The following CCKBR variants were observed in gnomAD, a reference collection of about 807,000 sequenced individuals.
The protein encoded by CCKBR is gastrin/cholecystokinin type B receptor.
Under a neutral mutation model 34.6 loss-of-function variants are expected in CCKBR, and 33 were observed. The ratio of observed to expected loss-of-function variants is 0.95; its 90% CI spans 0.72 to 1.27. The LOEUF (loss-of-function observed/expected upper bound fraction) is 1.27. Ranked by LOEUF, CCKBR falls within the 50% of genes most tolerant of loss-of-function variation. CCKBR has a pLI of 0.00. For missense variants in CCKBR, 652 were observed against 617.4 expected (o/e 1.06, Z -0.59); for synonymous variants, 269 against 267.5 (o/e 1.01, Z -0.06).
At chr11:6,261,450 A>ATATATATATATAT (rs1228835875) in intron 1 of CCKBR, among the ~76,000 whole-genome samples, 2 of 32,178 alleles carry the variant, frequency 6.2e-5, no homozygotes, top group African/African-American at 1.6e-4. Flanking sequence ...AAAAAAAAAA[A>ATATATATATATAT]AAAAATATAT....
intron 1 of CCKBR, among the ~76,000 whole-genome samples, chr11:6,261,454 A>AAAAAAAAATAT (rs1447691939): frequency 8.2e-5 from 5 of 60,894 alleles, no homozygotes; most frequent in Non-Finnish European, 9.1e-5. Flanking sequence ...AAAAAAAAAA[A>AAAAAAAAATAT]ATATATATAC....
chr11:6,270,169 C>A lies in CCKBR; in HGVS notation c.485C>A (p.Ala162Glu). 6.2e-7 allele frequency: 1 copy of A among 1,613,956 alleles called. No individual in the cohort carries two copies. The highest frequency in any genetic ancestry group is 8.5e-7 in the Non-Finnish European group (1 of 1,180,014). ...RYSAICRPLQ[A>E]RVWQTRSHAA... ...AGCGCCATCTGCCGACCACTGCAGG[C>A]ACGAGTGTGGCAGACGCGCTCCCAC... is the stretch of plus-strand genomic sequence containing the variant. The change falls in exon 3 of 5, where the codon GCA becomes GAA. Residue 162 changes from alanine to glutamate, a missense_variant. Ala to Glu is a moderately radical substitution (Grantham distance 107). Transcript: ENST00000334619.
intron 1 of CCKBR, 128 bp downstream of exon 1, chr11:6,260,207 T>C: frequency 3.2e-6 from 2 of 625,288 alleles, no homozygotes; most frequent in South Asian, 4.0e-5. Context: ...TAGTACTCCC[T>C]CAGCCCCCAA....
Position 6,271,601 on chromosome 11 carries a change from GACAT to G in CCKBR, c.*61_*64del, listed in dbSNP as rs1412079143. 2 of 1,470,950 alleles carry G rather than the reference GACAT, an allele frequency of 1.4e-6. No homozygotes were observed. Among genetic ancestry groups the G allele is most frequent in the African/African-American group, 2.8e-5 (2 of 71,174 alleles). The allele number at this position is 1,470,950 out of a possible 1,614,324, so 91.1% of individuals were successfully genotyped here. On this transcript the variant is annotated 3_prime_UTR_variant, in exon 5 of 5. Coordinates refer to ENST00000334619, the MANE Select transcript of CCKBR (RefSeq NM_176875.4). ...CAAATGACATGCACTGACCCTTCCAGACATACGAAACACAAACCACAACTGACAC... is the reference window on the plus strand; with the variant it reads ...CAAATGACATGCACTGACCCTTCCAGACGAAACACAAACCACAACTGACAC...
At chr11:6,262,546 A>G (rs1848149047) in intron 1 of CCKBR, among the ~76,000 whole-genome samples, 1 of 152,208 alleles carries the variant, frequency 6.6e-6, no homozygotes, top group Non-Finnish European at 1.5e-5. Context: ...CTTCACATTC[A>G]ATAACAAGAA....
rs760056340 is a variant in CCKBR at position 6,270,309 on chromosome 11, T to C, written c.625T>C (p.Trp209Arg). Residue 209 changes from tryptophan (W) to arginine (R), a missense_variant, in exon 3 of 5, where the codon TGG (tryptophan) becomes CGG (arginine). Transcript: ENST00000334619. ...TCGTGTGCTGCAGTGCGTGCATCGC[T>C]GGCCCAGTGCGCGGGTCCGCCAGAC... ...GPRVLQCVHR[W>R]PSARVRQTWS... is the part of the protein sequence containing the mutation. 6.2e-7 allele frequency: 1 copy of C among 1,613,146 alleles called. No homozygotes were observed. The highest frequency in any genetic ancestry group is 1.7e-5 in the Admixed American group (1 of 60,008).
At chr11:6,264,190 T>C (rs978621568) in intron 1 of CCKBR, among the ~76,000 whole-genome samples, 1 of 152,194 alleles carries the variant, frequency 6.6e-6, no homozygotes. Flanking sequence ...CTACACACCC[T>C]TGCATATTAC....
At chr11:6,266,217 C>T (rs898133285) in intron 1 of CCKBR, among the ~76,000 whole-genome samples, 43 of 152,014 alleles carry the variant, frequency 2.8e-4, no homozygotes, top group African/African-American at 9.7e-4. Context: ...ATGGGCCAGG[C>T]GTAGTGGCTC....
Position 6,270,082 on chromosome 11 carries a change from G to C in CCKBR, c.404-6G>C. 6.2e-7 allele frequency: 1 copy of C among 1,600,716 alleles called. No homozygotes were observed. Among genetic ancestry groups the C allele is most frequent in the Non-Finnish European group, 8.5e-7 (1 of 1,170,972 alleles). On this transcript the variant is annotated splice_region_variant and splice_polypyrimidine_tract_variant and intron_variant, in intron 2 of 4. Transcript: ENST00000334619. ...GTGACTCCTTCCTTTCTCTTCCCTT[G>C]TTTAGGGGTGTCTGTGAGTGTGTCC...
intron 1 of CCKBR, among the ~76,000 whole-genome samples, chr11:6,262,509 A>T (rs967527051): frequency 6.6e-6 from 1 of 152,176 alleles, no homozygotes; most frequent in Non-Finnish European, 1.5e-5. Context: ...TTACATAAAT[A>T]AAAAACAGGA....
rs199552178 is a variant in CCKBR at position 6,271,129 on chromosome 11, G to A, written c.930G>A (p.Thr310=). 10 of 1,613,834 alleles carry A rather than the reference G, an allele frequency of 6.2e-6. No individual in the cohort carries two copies. In the African/African-American group the frequency reaches 8.0e-5, roughly 13 times the overall value. Residue 310 remains threonine, a synonymous_variant, in exon 5 of 5, where the codon ACG becomes ACA. Coordinates refer to ENST00000334619, the MANE Select transcript of CCKBR (RefSeq NM_176875.4). ...CTGCCCTGGAGCTGACGGCGCTGAC[G>A]GCTCCTGGGCCGGGATCCGGCTCCC... The part of the protein sequence containing the change: ...SRPALELTAL[T]APGPGSGSRP...
chr11:6,271,502 A>G lies in CCKBR; in HGVS notation c.1303A>G (p.Arg435Gly), dbSNP rs1446871767. 6.2e-7 allele frequency: 1 copy of G among 1,608,150 alleles called. No individual in the cohort carries two copies. Among genetic ancestry groups the G allele is most frequent in the Middle Eastern group, 1.7e-4 (1 of 6,054 alleles). The change falls in exon 5 of 5, where the codon AGG becomes GGG. Residue 435 changes from arginine (R) to glycine (G), a missense_variant. Physicochemically the swap from Arg to Gly is moderately radical, Grantham distance 125. Coordinates refer to ENST00000334619, the MANE Select transcript of CCKBR (RefSeq NM_176875.4). ...PPTPSIASLS[R>G]LSYTTISTLG... ...CACTCCCTCCATTGCTTCGCTGTCC[A>G]GGCTTAGCTACACCACCATCAGCAC...
rs1848323719 is a variant in CCKBR, at chr11:6,271,847, TG to T, written c.*305del. 2.7e-6 allele frequency: 1 copy of T among 371,258 alleles called. No individual in the cohort carries two copies. The highest frequency in any genetic ancestry group is 2.1e-5 in the African/African-American group (1 of 48,342). 23.0% of individuals were successfully genotyped at this position (371,258 alleles called of 1,614,324 possible). Reference sequence around the variant, plus strand: ...ACACAGTGGGAACTCTGACAAGGGCTGACCTGCCTCTCACACACATAGATTA... The same window carrying T: ...ACACAGTGGGAACTCTGACAAGGGCTACCTGCCTCTCACACACATAGATTA... On this transcript the variant is annotated 3_prime_UTR_variant, in exon 5 of 5. Transcript: ENST00000334619.
chr11:6,271,480 T>C lies in CCKBR; in HGVS notation c.1281T>C (p.Thr427=), dbSNP rs533838696. 1 of 1,612,248 alleles carries C rather than the reference T, an allele frequency of 6.2e-7. No homozygotes were observed. The highest frequency in any genetic ancestry group is 1.3e-5 in the African/African-American group (1 of 75,032). The part of the protein sequence containing the change: ...PRALPDEDPP[T]PSIASLSRLS... ...CTCTTCCCGATGAGGACCCTCCCAC[T>C]CCCTCCATTGCTTCGCTGTCCAGGC... The change falls in exon 5 of 5, where the codon ACT becomes ACC. Residue 427 remains threonine (T), a synonymous_variant. Transcript: ENST00000334619.
intron 1 of CCKBR, 22 bp downstream of exon 1, chr11:6,260,101 C>G: frequency 1.0e-5 from 16 of 1,570,624 alleles, no homozygotes; most frequent in Non-Finnish European, 1.4e-5. Flanking sequence ...CCTCAGCCCC[C>G]CCCACAAGCT....
chr11:6,270,706 C>T lies in CCKBR; in HGVS notation c.714C>T (p.Tyr238=), dbSNP rs555393734. Residue 238 remains tyrosine (Y), a synonymous_variant, in exon 4 of 5, where the codon TAC becomes TAT. Coordinates refer to ENST00000334619, the MANE Select transcript of CCKBR (RefSeq NM_176875.4). ...FIPGVVMAVA[Y]GLISRELYLG... Reference sequence around the variant, plus strand: ...CGGGTGTGGTTATGGCCGTGGCCTACGGGCTTATCTCTCGCGAGCTCTACT... The same window carrying T: ...CGGGTGTGGTTATGGCCGTGGCCTATGGGCTTATCTCTCGCGAGCTCTACT... 6.2e-7 allele frequency: 1 copy of T among 1,614,144 alleles called. No individual in the cohort carries two copies. Among genetic ancestry groups the T allele is most frequent in the Non-Finnish European group, 8.5e-7 (1 of 1,179,980 alleles).
intron 1 of CCKBR, chr11:6,264,708 T>C (rs1848185347): frequency 3.7e-6 from 2 of 536,782 alleles, no homozygotes; most frequent in South Asian, 4.6e-5. Flanking sequence ...TATTCCACCA[T>C]GCAAACACAC....
At chr11:6,262,715 AGAG>A (rs1848154251) in intron 1 of CCKBR, among the ~76,000 whole-genome samples, 1 of 144,014 alleles carries the variant, frequency 6.9e-6, no homozygotes, top group African/African-American at 2.5e-5. Flanking sequence ...AGAGAGAGAG[AGAG>A]AGAGAGAAAG....
chr11:6,271,584 A>G lies in CCKBR; in HGVS notation c.*41A>G, dbSNP rs1247849323. 1 of 1,522,168 alleles carries G rather than the reference A, an allele frequency of 6.6e-7. No homozygotes were observed. 94.3% of individuals were successfully genotyped at this position (1,522,168 alleles called of 1,614,324 possible). ...TGGGGGTTGAGGCAGGGCAAATGACATGCACTGACCCTTCCAGACATACGA... is the reference window on the plus strand; with the variant it reads ...TGGGGGTTGAGGCAGGGCAAATGACGTGCACTGACCCTTCCAGACATACGA... On this transcript the variant is annotated 3_prime_UTR_variant, in exon 5 of 5. Transcript: ENST00000334619.
Sources: gnomAD v4.1 joint callset for allele counts (sites outside exome capture counted in the v4.1 genomes callset) on GRCh38, gnomAD v4.1.1 for gene constraint, MANE v1.5 for transcripts, NCBI Gene and HGNC (gene_info 2026-07-23, HGNC 2026-07-21) for gene names.